ARMH3: variants seen among roughly 807,000 people sequenced by gnomAD.
ARMH3 encodes the protein armadillo like helical domain containing 3.
ARMH3 carries 60 observed loss-of-function variants against 99.1 expected under a neutral mutation model. The ratio of observed to expected loss-of-function variants is 0.61; its 90% CI spans 0.49 to 0.75. ARMH3 has a LOEUF of 0.75. Among genes scored for constraint, ARMH3 ranks in the 30% least tolerant of loss-of-function variants. The pLI is 0.00. For missense variants in ARMH3, 679 were observed against 843.1 expected, an observed-to-expected ratio of 0.81 and a Z score of 2.41; for synonymous variants, 285 against 292.8, an observed-to-expected ratio of 0.97 and a Z score of 0.27.
chr10:101,985,981 G>A (rs914247144), intron 19 of ARMH3, among the ~76,000 whole-genome samples: 1 of 151,710 alleles, frequency 6.6e-6, no homozygotes, highest in Admixed American at 6.6e-5. Context: ...TCATGCCACT[G>A]CACTCCAGCC....
chr10:101,967,928 C>G (rs901810896), intron 20 of ARMH3, among the ~76,000 whole-genome samples: 1 of 152,152 alleles, frequency 6.6e-6, no homozygotes, highest in African/African-American at 2.4e-5. Context: ...ACAGCCTGCA[C>G]TGACTAAAGG....
At chr10:101,915,843 A>C (rs1590016599) in intron 23 of ARMH3, among the ~76,000 whole-genome samples, 4 of 125,040 alleles carry the variant, frequency 3.2e-5, no homozygotes, top group Admixed American at 1.0e-4. Context: ...TCGCTCTCTC[A>C]CCCAGGTTGG....
At chr10:101,871,063 C>T (rs966560815) in intron 24 of ARMH3, among the ~76,000 whole-genome samples, 3 of 151,874 alleles carry the variant, frequency 2.0e-5, no homozygotes, top group Non-Finnish European at 2.9e-5. Flanking sequence ...TAGCAACAAA[C>T]GACTGGAAAT....
intron 24 of ARMH3, among the ~76,000 whole-genome samples, chr10:101,871,274 C>T (rs796492127): frequency 2.0e-5 from 3 of 152,262 alleles, no homozygotes; most frequent in African/African-American, 7.2e-5. Context: ...TCCAAGTCAT[C>T]TATAGAGTTA....
intron 20 of ARMH3, among the ~76,000 whole-genome samples, chr10:101,967,747 G>A (rs1845601030): frequency 6.6e-6 from 1 of 152,100 alleles, no homozygotes; most frequent in South Asian, 2.1e-4. Context: ...GGGGGGAGCA[G>A]GGGGCGGGGA....
intron 23 of ARMH3, among the ~76,000 whole-genome samples, chr10:101,933,978 C>T (rs1405234441): frequency 6.6e-6 from 1 of 152,222 alleles, no homozygotes; most frequent in Non-Finnish European, 1.5e-5. Context: ...TATAGCAATG[C>T]AGCAAAGATT....
intron 24 of ARMH3, among the ~76,000 whole-genome samples, chr10:101,878,536 G>A (rs71471222): frequency 6.6e-6 from 1 of 151,948 alleles, no homozygotes; most frequent in Non-Finnish European, 1.5e-5. Flanking sequence ...CTACTCGAGA[G>A]GCTGAGGCAG....
intron 23 of ARMH3, among the ~76,000 whole-genome samples, chr10:101,895,564 C>T (rs868671304): frequency 5.9e-5 from 9 of 152,166 alleles, no homozygotes; most frequent in Admixed American, 2.6e-4. Context: ...CAGGTGTGAG[C>T]CACTGCGCCC....
At chr10:101,855,267 C>T (rs1201373905) in intron 24 of ARMH3, among the ~76,000 whole-genome samples, 1 of 146,562 alleles carries the variant, frequency 6.8e-6, no homozygotes, top group Non-Finnish European at 1.5e-5. Flanking sequence ...AGGGTTTTAC[C>T]ATGTTGGCCA....
At chr10:101,939,804 G>T in intron 23 of ARMH3, 59 bp downstream of exon 23, 1 of 1,438,830 alleles carries the variant, frequency 7.0e-7, no homozygotes, top group Non-Finnish European at 9.7e-7. Flanking sequence ...ACTTAGAAAG[G>T]TACAATAAAC....
chr10:102,033,041 A>G lies in ARMH3; in HGVS notation c.291T>C (p.Val97=), dbSNP rs1251032207. The part of the protein sequence containing the change: ...QALGEEHPIR[V]VNALQTLCAL... ...AGCCTTGTACCTGCAATGCATTGACAACCCGAATTGGATGCTCCTCTCCCA... is the reference window on the plus strand; with the variant it reads ...AGCCTTGTACCTGCAATGCATTGACGACCCGAATTGGATGCTCCTCTCCCA... Residue 97 remains valine (V), a synonymous_variant, in exon 4 of 26, where the codon GTT becomes GTC. Transcript: ENST00000370033. The G allele has an allele frequency of 6.2e-7, 1 of 1,614,166 alleles. No individual in the cohort carries two copies. The highest frequency in any genetic ancestry group is 8.5e-7 in the Non-Finnish European group (1 of 1,180,020).
At position 102,056,143 on chromosome 10, in the gene ARMH3, G is replaced by C. The variant is rs1384814782; in HGVS notation, c.-70C>G. 1.3e-5 allele frequency: 2 copies of C among 152,200 alleles called. No homozygotes were observed. The highest frequency in any genetic ancestry group is 4.8e-5 in the African/African-American group (2 of 41,420). The allele number at this position is 152,200 out of a possible 1,614,324, so 9.4% of individuals were successfully genotyped here. On this transcript the variant is annotated 5_prime_UTR_variant, in exon 1 of 26. Transcript: ENST00000370033. ...GTTCCCGGGCCCGCTCGCTCTCGAC[G>C]CCACCGACGCTGCCGCTGCTCCGGG...
At chr10:101,960,889 CAAAAAAA>C (rs36000408) in intron 20 of ARMH3, among the ~76,000 whole-genome samples, 2 of 74,582 alleles carry the variant, frequency 2.7e-5, no homozygotes, top group Non-Finnish European at 2.5e-5. Context: ...AACTCCGTCT[CAAAAAAA>C]AAAAAAAAAA....
intron 16 of ARMH3, among the ~76,000 whole-genome samples, chr10:101,994,618 C>T (rs1188853660): frequency 2.0e-5 from 3 of 152,194 alleles, no homozygotes; most frequent in Admixed American, 2.0e-4. Flanking sequence ...AGCATCTCTT[C>T]TTTTTTCCCC....
intron 20 of ARMH3, among the ~76,000 whole-genome samples, chr10:101,973,722 A>T (rs760901212): frequency 6.6e-6 from 1 of 152,220 alleles, no homozygotes; most frequent in Admixed American, 6.5e-5. Context: ...AAAGGAAAGA[A>T]AATAGAATGA....
At chr10:101,925,348 C>A (rs772590362) in intron 23 of ARMH3, among the ~76,000 whole-genome samples, 9 of 152,116 alleles carry the variant, frequency 5.9e-5, no homozygotes, top group South Asian at 2.1e-4. Flanking sequence ...AAGGCAGACC[C>A]TAACACCATA....
chr10:102,013,998 C>T lies in ARMH3; in HGVS notation c.696G>A (p.Leu232=), dbSNP rs374589339. 1.4e-4 allele frequency: 224 copies of T among 1,611,690 alleles called. 1 individual carries two copies. Among genetic ancestry groups the T allele is most frequent in the Non-Finnish European group, 1.8e-4 (211 of 1,178,792 alleles). ...GTGTGGCCTCATCATCCACGATAGA[C>T]AGCTTCACAATATAAGGATTCACAG... ...YESVNPYIVK[L]SIVDDEATLN... is the part of the protein sequence containing the mutation. The change falls in exon 9 of 26, where the codon CTG becomes CTA. Residue 232 remains leucine, a synonymous_variant. Coordinates refer to ENST00000370033, the MANE Select transcript of ARMH3 (RefSeq NM_024541.3).
chr10:101,907,358 G>A (rs974527100), intron 23 of ARMH3, among the ~76,000 whole-genome samples: 2 of 151,832 alleles, frequency 1.3e-5, no homozygotes, highest in African/African-American at 2.4e-5. Context: ...CTCAGGAACT[G>A]GGATAACTGT....
chr10:101,859,061 A>G (rs909305755), intron 24 of ARMH3, among the ~76,000 whole-genome samples: 2 of 152,240 alleles, frequency 1.3e-5, no homozygotes, highest in Non-Finnish European at 2.9e-5. Context: ...TACGGAGCTA[A>G]CATGCAAACT....
Sources: allele counts gnomAD v4.1 joint callset (sites outside exome capture counted in the v4.1 genomes callset), GRCh38; gene constraint gnomAD v4.1.1; transcripts MANE v1.5; gene names NCBI Gene and HGNC (gene_info 2026-07-23, HGNC 2026-07-21).